CSMD1: variants seen among roughly 807,000 people sequenced by gnomAD.
CSMD1 encodes the protein CUB and Sushi multiple domains 1.
In CSMD1, 213 loss-of-function variants were observed where a neutral mutation model predicts 417.5. The observed-to-expected ratio is 0.51, with a 90% CI of 0.46 to 0.57. The LOEUF (loss-of-function observed/expected upper bound fraction) is 0.57. Ranked by LOEUF, CSMD1 falls within the 20% of genes least tolerant of loss-of-function variation. CSMD1 has a pLI of 0.00. For missense variants in CSMD1, 6,923 were observed against 4,529.7 expected (o/e 1.53, Z -15.17); for synonymous variants, 2,862 against 1,736.8 (o/e 1.65, Z -16.11).
chr8:4,186,917 A>G (rs1292403785), intron 3 of CSMD1, among the ~76,000 whole-genome samples: 1 of 152,008 alleles, frequency 6.6e-6, no homozygotes, highest in African/African-American at 2.4e-5. Flanking sequence ...AATCACCTGA[A>G]CCCACGAGGC....
intron 5 of CSMD1, among the ~76,000 whole-genome samples, chr8:3,983,790 G>C (rs998175059): frequency 1.3e-5 from 2 of 152,150 alleles, no homozygotes; most frequent in African/African-American, 4.8e-5. Context: ...GCACGTCGCA[G>C]TTCTGATGGG....
At chr8:4,010,073 A>G (rs1165847314) in intron 4 of CSMD1, among the ~76,000 whole-genome samples, 2 of 152,206 alleles carry the variant, frequency 1.3e-5, no homozygotes, top group East Asian at 1.9e-4. Flanking sequence ...AGAATTTCCT[A>G]CATTCCAACT....
intron 1 of CSMD1, among the ~76,000 whole-genome samples, chr8:4,755,510 T>C (rs1295403790): frequency 2.0e-5 from 3 of 152,314 alleles, no homozygotes; most frequent in Admixed American, 6.5e-5. Flanking sequence ...AAAATTGATG[T>C]TTCCTGCTTT....
intron 22 of CSMD1, among the ~76,000 whole-genome samples, chr8:3,345,130 A>C (rs1185432289): frequency 6.6e-6 from 1 of 152,208 alleles, no homozygotes; most frequent in Non-Finnish European, 1.5e-5. Context: ...ATACGAAAGA[A>C]CTAGACACTC....
intron 25 of CSMD1, among the ~76,000 whole-genome samples, chr8:3,289,568 G>C (rs1234328301): frequency 2.0e-5 from 2 of 102,312 alleles, no homozygotes; most frequent in East Asian, 2.5e-4. Context: ...GCATTTCTCT[G>C]ATGGCCGGTG....
At chr8:4,859,734 G>A (rs1362025287) in intron 1 of CSMD1, among the ~76,000 whole-genome samples, 1 of 151,912 alleles carries the variant, frequency 6.6e-6, no homozygotes, top group Non-Finnish European at 1.5e-5. Flanking sequence ...CAGTTAGAAT[G>A]GCAATCATTA....
chr8:4,713,137 C>A (rs1185826081), intron 1 of CSMD1, among the ~76,000 whole-genome samples: 1 of 152,164 alleles, frequency 6.6e-6, no homozygotes, highest in Non-Finnish European at 1.5e-5. Flanking sequence ...CCACTAGGAC[C>A]TCTATTAAAA....
chr8:4,185,455 G>A (rs529045017), intron 3 of CSMD1, among the ~76,000 whole-genome samples: 1 of 152,166 alleles, frequency 6.6e-6, no homozygotes, highest in African/African-American at 2.4e-5. Flanking sequence ...TTTAAAAACA[G>A]CATACACCAT....
intron 2 of CSMD1, among the ~76,000 whole-genome samples, chr8:4,445,360 A>C (rs1362186760): frequency 6.6e-6 from 1 of 152,204 alleles, no homozygotes; most frequent in East Asian, 1.9e-4. Context: ...TCTTTTCCTT[A>C]ATATCTCATT....
intron 10 of CSMD1, among the ~76,000 whole-genome samples, chr8:3,502,717 A>T: frequency 6.6e-6 from 1 of 152,210 alleles, no homozygotes. Context: ...AGAGGGAGGG[A>T]TGAAGAGCAG....
At chr8:4,159,638 G>C (rs1300718229) in intron 3 of CSMD1, among the ~76,000 whole-genome samples, 1 of 152,140 alleles carries the variant, frequency 6.6e-6, no homozygotes, top group Non-Finnish European at 1.5e-5. Context: ...GCCCAGGCTG[G>C]AGCACAGTGG....
At chr8:4,415,520 T>C (rs1352461713) in intron 3 of CSMD1, among the ~76,000 whole-genome samples, 1 of 152,222 alleles carries the variant, frequency 6.6e-6, no homozygotes, top group Non-Finnish European at 1.5e-5. Context: ...TCCCTTGCTC[T>C]TCCGCCCTGT....
At chr8:3,978,551 CA>C (rs1813617418) in intron 5 of CSMD1, among the ~76,000 whole-genome samples, 1 of 152,032 alleles carries the variant, frequency 6.6e-6, no homozygotes, top group Non-Finnish European at 1.5e-5. Flanking sequence ...CAAAGGGTTT[CA>C]AAAATATAGA....
At chr8:4,947,661 G>C (rs1808459942) in intron 1 of CSMD1, among the ~76,000 whole-genome samples, 1 of 151,930 alleles carries the variant, frequency 6.6e-6, no homozygotes, top group South Asian at 2.1e-4. Flanking sequence ...TTACATTTTG[G>C]GTTGATCATT....
intron 3 of CSMD1, among the ~76,000 whole-genome samples, chr8:4,273,199 T>C (rs1235119880): frequency 2.0e-5 from 3 of 152,130 alleles, no homozygotes; most frequent in Admixed American, 6.6e-5. Flanking sequence ...GTAAGAAGAA[T>C]ATACACTTGA....
intron 23 of CSMD1, among the ~76,000 whole-genome samples, chr8:3,331,144 A>G (rs1806866733): frequency 6.6e-6 from 1 of 151,238 alleles, no homozygotes; most frequent in Non-Finnish European, 1.5e-5. Flanking sequence ...AGGCTGAGGC[A>G]GGAGAATGGT....
chr8:4,210,347 A>G (rs769355163), intron 3 of CSMD1, among the ~76,000 whole-genome samples: 1 of 152,226 alleles, frequency 6.6e-6, no homozygotes, highest in Non-Finnish European at 1.5e-5. Context: ...AGTAAGTTGT[A>G]TGATACCAAC....
chr8:3,917,785 CTATTA>C (rs1808928722), intron 5 of CSMD1, among the ~76,000 whole-genome samples: 1 of 152,064 alleles, frequency 6.6e-6, no homozygotes, highest in African/African-American at 2.4e-5. Flanking sequence ...CCCCCCACAC[CTATTA>C]TTAGTTTTGC....
chr8:4,128,015 TACC>T (rs1563159157), intron 3 of CSMD1, among the ~76,000 whole-genome samples: 1 of 152,180 alleles, frequency 6.6e-6, no homozygotes, highest in African/African-American at 2.4e-5. Context: ...CTTGAGCAAG[TACC>T]ACATTTTATA....
Sources: allele counts gnomAD v4.1 joint callset (sites outside exome capture counted in the v4.1 genomes callset), GRCh38; gene constraint gnomAD v4.1.1; transcripts MANE v1.5; gene names NCBI Gene and HGNC (gene_info 2026-07-23, HGNC 2026-07-21).